The following NCK2 variants were observed in gnomAD, a reference collection of about 807,000 sequenced individuals.
NCK2 encodes the protein cytoplasmic protein NCK2.
NCK2 carries 16 observed loss-of-function variants against 33.9 expected under a neutral mutation model. That is an observed-to-expected ratio of 0.47 (90% CI 0.32 to 0.72). The LOEUF (loss-of-function observed/expected upper bound fraction) is 0.72, where lower values mean the gene tolerates loss of function less well. Among genes scored for constraint, NCK2 ranks in the 30% least tolerant of loss-of-function variants. The probability of loss-of-function intolerance (pLI) is 0.03; values close to 1 mark genes in which losing one functional copy is unlikely to be tolerated. For missense variants in NCK2, 418 were observed against 537.3 expected, an observed-to-expected ratio of 0.78 and a Z score of 2.19; for synonymous variants, 273 against 239.9, an observed-to-expected ratio of 1.14 and a Z score of -1.27.
intron 2 of NCK2, among the ~76,000 whole-genome samples, chr2:105,823,853 A>T (rs1383682120): frequency 2.6e-5 from 4 of 152,038 alleles, no homozygotes; most frequent in Non-Finnish European, 4.4e-5. Context: ...AGTAAGGATG[A>T]TCCTAATTAT....
At chr2:105,804,434 G>T (rs1163114612) in intron 1 of NCK2, among the ~76,000 whole-genome samples, 2 of 152,212 alleles carry the variant, frequency 1.3e-5, no homozygotes. Flanking sequence ...CTCTTGTCTG[G>T]TTTTGGCTTT....
At chr2:105,757,084 T>G (rs1238959582) in intron 1 of NCK2, among the ~76,000 whole-genome samples, 1 of 152,152 alleles carries the variant, frequency 6.6e-6, no homozygotes, top group Non-Finnish European at 1.5e-5. Flanking sequence ...GGATTACAAG[T>G]GTGAGCCACC....
At chr2:105,860,635 G>A (rs1410054225) in intron 3 of NCK2, among the ~76,000 whole-genome samples, 2 of 152,050 alleles carry the variant, frequency 1.3e-5, no homozygotes, top group Non-Finnish European at 2.9e-5. Context: ...AACAGTTGAA[G>A]ATTTGAGCAG....
At chr2:105,752,577 G>A (rs1041577101) in intron 1 of NCK2, among the ~76,000 whole-genome samples, 4 of 152,126 alleles carry the variant, frequency 2.6e-5, no homozygotes, top group African/African-American at 9.7e-5. Context: ...TGGGGTACAG[G>A]TGTTATTTTG....
chr2:105,894,071 GTA>G lies in NCK2; in HGVS notation c.*897_*898del, dbSNP rs1397939270. 1 of 152,384 alleles carries G rather than the reference GTA, an allele frequency of 6.6e-6. No homozygotes were observed. Among genetic ancestry groups the G allele is most frequent in the Non-Finnish European group, 1.5e-5 (1 of 67,982 alleles). 9.4% of individuals were successfully genotyped at this position (152,384 alleles called of 1,614,324 possible). On this transcript the variant is annotated 3_prime_UTR_variant, in exon 5 of 5. Transcript: ENST00000233154. ...GAAATTTTTCAGGGTTTACAAAAGA[GTA>G]TGTGATTGGTAGTAAGAGACACACA...
chr2:105,807,306 G>T (rs1430276175), intron 1 of NCK2, among the ~76,000 whole-genome samples: 1 of 152,206 alleles, frequency 6.6e-6, no homozygotes, highest in Non-Finnish European at 1.5e-5. Flanking sequence ...ACACCCAGGT[G>T]CTCTCCTCGA....
At chr2:105,875,954 G>A (rs370856689) in intron 3 of NCK2, among the ~76,000 whole-genome samples, 18 of 152,166 alleles carry the variant, frequency 1.2e-4, no homozygotes, top group African/African-American at 2.4e-4. Flanking sequence ...CTATGAAACA[G>A]CATCTTGCTT....
chr2:105,785,002 G>A (rs912051305), intron 1 of NCK2, among the ~76,000 whole-genome samples: 1 of 152,062 alleles, frequency 6.6e-6, no homozygotes, highest in Non-Finnish European at 1.5e-5. Flanking sequence ...GTTTTGAGAC[G>A]GAGTCTCGCT....
intron 2 of NCK2, among the ~76,000 whole-genome samples, chr2:105,826,670 C>A (rs1161983992): frequency 6.6e-6 from 1 of 152,152 alleles, no homozygotes; most frequent in African/African-American, 2.4e-5. Flanking sequence ...GGATTTGGGT[C>A]ATTACTGAGT....
In NCK2 at chr2:105,807,860, TTCTC is replaced by T. The variant is rs1189640287; in HGVS notation, c.-200-8566_-200-8563del. ...ATCTCTCCCTCCCTCCCTCCCTCCC[TTCTC>T]TCTATCTCTCCCTCCCTCCCTTCTC... is the stretch of plus-strand genomic sequence containing the variant. On this transcript the variant is annotated intron_variant, in intron 1 of 4. Coordinates refer to ENST00000233154, the MANE Select transcript of NCK2 (RefSeq NM_003581.5). Among the ~76,000 whole-genome samples the T allele has an allele frequency of 5.7e-3, 230 of 40,264 alleles. 3 individuals are homozygous for T. The highest frequency in any genetic ancestry group is 0.013 in the Admixed American group (38 of 3,020). 26.4% of individuals were successfully genotyped at this position (40,264 alleles called of 152,430 possible).
chr2:105,888,028 A>C (rs1678787675), intron 4 of NCK2, among the ~76,000 whole-genome samples: 1 of 152,216 alleles, frequency 6.6e-6, no homozygotes, highest in African/African-American at 2.4e-5. Context: ...AGATACTCTG[A>C]GCCCGGTGTG....
chr2:105,781,792 G>A (rs1489279096), intron 1 of NCK2, among the ~76,000 whole-genome samples: 1 of 152,198 alleles, frequency 6.6e-6, no homozygotes, highest in Non-Finnish European at 1.5e-5. Context: ...TTGTAGACAT[G>A]TCTGTTTCTC....
intron 2 of NCK2, chr2:105,851,959 A>C (rs1050721322): frequency 6.6e-6 from 1 of 152,300 alleles, no homozygotes; most frequent in Non-Finnish European, 1.5e-5. Context: ...GAGCCATTAA[A>C]ATAGGGTTAA....
intron 4 of NCK2, 152 bp downstream of exon 4, chr2:105,882,201 G>T: frequency 2.1e-6 from 2 of 949,620 alleles, no homozygotes; most frequent in Non-Finnish European, 2.8e-6. Context: ...TTGCTACTCC[G>T]TGATTTACTT....
chr2:105,791,587 T>C (rs1690886899), intron 1 of NCK2, among the ~76,000 whole-genome samples: 1 of 152,248 alleles, frequency 6.6e-6, no homozygotes, highest in South Asian at 2.1e-4. Context: ...AGCACTCTTG[T>C]GTTCATTTAA....
intron 3 of NCK2, among the ~76,000 whole-genome samples, chr2:105,877,240 C>G (rs1256747598): frequency 6.6e-6 from 1 of 152,164 alleles, no homozygotes; most frequent in Non-Finnish European, 1.5e-5. Context: ...CCTCCCTCCC[C>G]CTGGCCACAG....
At chr2:105,823,173 T>A (rs917901697) in intron 2 of NCK2, among the ~76,000 whole-genome samples, 1 of 142,366 alleles carries the variant, frequency 7.0e-6, no homozygotes. Flanking sequence ...TGTGTGTGTG[T>A]CACAATGGAG....
At chr2:105,758,654 C>T (rs976952779) in intron 1 of NCK2, among the ~76,000 whole-genome samples, 4 of 152,136 alleles carry the variant, frequency 2.6e-5, no homozygotes, top group African/African-American at 9.6e-5. Flanking sequence ...GTGATCCACC[C>T]GCCTCAGCCT....
At chr2:105,801,445 A>G (rs1018577562) in intron 1 of NCK2, among the ~76,000 whole-genome samples, 36 of 148,330 alleles carry the variant, frequency 2.4e-4, no homozygotes, top group Admixed American at 2.0e-3. Flanking sequence ...CTCACAGTCT[A>G]TTTACACAAA....
Sources: gnomAD v4.1 joint callset for allele counts (sites outside exome capture counted in the v4.1 genomes callset) on GRCh38, gnomAD v4.1.1 for gene constraint, MANE v1.5 for transcripts, NCBI Gene and HGNC (gene_info 2026-07-23, HGNC 2026-07-21) for gene names.